The following ADAMTS12 variants were observed in gnomAD, a reference collection of about 807,000 sequenced individuals.
The protein encoded by ADAMTS12 is A disintegrin and metalloproteinase with thrombospondin motifs 12.
A neutral mutation model predicts 167.8 loss-of-function variants in ADAMTS12; 118 were observed. The ratio of observed to expected loss-of-function variants is 0.70; its 90% CI spans 0.61 to 0.82. The LOEUF is 0.82. Ranked by LOEUF, ADAMTS12 falls within the 40% of genes least tolerant of loss-of-function variation. The pLI is 0.00. For missense variants in ADAMTS12, 1,916 were observed against 1,998.8 expected (o/e 0.96, Z 0.79); for synonymous variants, 704 against 716.9 (o/e 0.98, Z 0.29).
At chr5:33,875,167 G>T (rs1024528364) in intron 2 of ADAMTS12, among the ~76,000 whole-genome samples, 5 of 152,312 alleles carry the variant, frequency 3.3e-5, no homozygotes, top group Middle Eastern at 3.4e-3. Flanking sequence ...GTTTCCAGGG[G>T]TAGGAGAGTG....
chr5:33,773,170 T>G (rs1745806824), intron 2 of ADAMTS12, among the ~76,000 whole-genome samples: 1 of 152,208 alleles, frequency 6.6e-6, no homozygotes, highest in East Asian at 1.9e-4. Flanking sequence ...GCTGCTTATC[T>G]TTTTTTGTTC....
In ADAMTS12 at chr5:33,615,810, C is replaced by T; in HGVS notation, c.2388+18G>A. On this transcript the variant is annotated intron_variant, in intron 15 of 23. Transcript: ENST00000504830. ...TAACTAGCACACATGTCAGCAGTTTCCCTCCTTTCTGCATTACCTGGATCC... is the reference window on the plus strand; with the variant it reads ...TAACTAGCACACATGTCAGCAGTTTTCCTCCTTTCTGCATTACCTGGATCC... 1.2e-6 allele frequency: 2 copies of T among 1,613,476 alleles called. No homozygotes were observed. The highest frequency in any genetic ancestry group is 8.5e-7 in the Non-Finnish European group (1 of 1,179,732).
chr5:33,797,177 C>T (rs1055691636), intron 2 of ADAMTS12, among the ~76,000 whole-genome samples: 6 of 152,224 alleles, frequency 3.9e-5, no homozygotes, highest in Non-Finnish European at 7.3e-5. Flanking sequence ...TAGCCTCCCA[C>T]AGCCCCATGC....
At chr5:33,693,380 T>C (rs910827262) in intron 3 of ADAMTS12, among the ~76,000 whole-genome samples, 10 of 152,210 alleles carry the variant, frequency 6.6e-5, no homozygotes, top group Non-Finnish European at 1.0e-4. Flanking sequence ...GAGATAATAT[T>C]TATATATGGT....
At chr5:33,616,156 C>A in intron 14 of ADAMTS12, 84 bp from the exon 15 acceptor site, 1 of 1,526,552 alleles carries the variant, frequency 6.6e-7, no homozygotes. Context: ...TGTTAATCCT[C>A]TTTCCAGCCT....
At chr5:33,585,049 CCA>C (rs2111995391) in intron 18 of ADAMTS12, among the ~76,000 whole-genome samples, 1 of 131,590 alleles carries the variant, frequency 7.6e-6, no homozygotes, top group Non-Finnish European at 1.8e-5. Flanking sequence ...ATCCATCCAT[CCA>C]TCCATCCATC....
chr5:33,756,299 G>C (rs1745164421), intron 2 of ADAMTS12, among the ~76,000 whole-genome samples: 1 of 152,194 alleles, frequency 6.6e-6, no homozygotes, highest in Admixed American at 6.6e-5. Flanking sequence ...GCCCTCACTG[G>C]AGCGGCACTT....
chr5:33,804,532 G>T (rs898688489), intron 2 of ADAMTS12, among the ~76,000 whole-genome samples: 5 of 152,194 alleles, frequency 3.3e-5, no homozygotes, highest in Non-Finnish European at 7.3e-5. Flanking sequence ...ATAAATGATG[G>T]CTGTTTAAAG....
chr5:33,833,602 A>G (rs35706473), intron 2 of ADAMTS12, among the ~76,000 whole-genome samples: 21,766 of 152,056 alleles, frequency 0.14, 2,820 homozygotes, highest in East Asian at 0.38. Flanking sequence ...TCTGTTAGAA[A>G]TTAAGTACCT....
At chr5:33,682,027 G>A (rs1366345730) in intron 5 of ADAMTS12, among the ~76,000 whole-genome samples, 1 of 152,160 alleles carries the variant, frequency 6.6e-6, no homozygotes, top group Non-Finnish European at 1.5e-5. Context: ...CATCCATGGA[G>A]AATGAATTCT....
chr5:33,563,371 CAGTG>C (rs1176335344), intron 19 of ADAMTS12, among the ~76,000 whole-genome samples: 1 of 152,204 alleles, frequency 6.6e-6, no homozygotes, highest in Admixed American at 6.5e-5. Flanking sequence ...CAACAGAATG[CAGTG>C]GATGATGCTG....
chr5:33,754,817 T>C (rs10941086), intron 2 of ADAMTS12, among the ~76,000 whole-genome samples: 18,240 of 151,986 alleles, frequency 0.12, 1,319 homozygotes, highest in Non-Finnish European at 0.15. Context: ...GATTGCGCCA[T>C]TGCACTCCAG....
intron 7 of ADAMTS12, among the ~76,000 whole-genome samples, chr5:33,651,028 C>T (rs1455230343): frequency 1.3e-5 from 2 of 152,118 alleles, no homozygotes; most frequent in African/African-American, 2.4e-5. Context: ...TATCAATGTA[C>T]TTAACAAACT....
chr5:33,614,507 A>C (rs1190110705), intron 15 of ADAMTS12, 131 bp from the exon 16 acceptor site: 2 of 1,063,750 alleles, frequency 1.9e-6, no homozygotes, highest in Non-Finnish European at 2.7e-6. Context: ...AAGCCATTAA[A>C]TAGATCTATA....
intron 2 of ADAMTS12, among the ~76,000 whole-genome samples, chr5:33,783,907 C>A (rs993865642): frequency 2.0e-5 from 3 of 151,646 alleles, no homozygotes; most frequent in African/African-American, 7.3e-5. Flanking sequence ...TAAGAAGATA[C>A]CACAAAAAAC....
At chr5:33,529,440 C>A (rs1258036783) in intron 23 of ADAMTS12, among the ~76,000 whole-genome samples, 3 of 151,970 alleles carry the variant, frequency 2.0e-5, no homozygotes, top group Non-Finnish European at 4.4e-5. Flanking sequence ...GCCTTAGGTA[C>A]TTCTTGGAGC....
At position 33,881,353 on chromosome 5, in the gene ADAMTS12, A is replaced by G; in HGVS notation, c.255T>C (p.Asp85=). Residue 85 remains aspartate, a synonymous_variant, in exon 2 of 24, where the codon GAT becomes GAC. Transcript: ENST00000504830. ...TGTAGTACACCCAGTCCTCTGAGCC[A>G]TCCAAATCTCTCTTCCTCCTGCTGC... is the stretch of plus-strand genomic sequence containing the variant. ...ITSSRRKRDL[D]GSEDWVYYRI... 2 of 1,614,212 alleles carry G rather than the reference A, an allele frequency of 1.2e-6. No individual in the cohort carries two copies. Among genetic ancestry groups the G allele is most frequent in the South Asian group, 2.2e-5 (2 of 91,088 alleles).
intron 2 of ADAMTS12, among the ~76,000 whole-genome samples, chr5:33,845,404 G>C (rs1294538231): frequency 1.3e-4 from 20 of 152,232 alleles, no homozygotes; most frequent in Admixed American, 1.3e-3. Flanking sequence ...ACAGAAGCCA[G>C]ATTGAAGGGG....
rs1374196302 is a variant in ADAMTS12 at position 33,710,628 on chromosome 5, A to G, written c.635-26573T>C. Among the ~76,000 whole-genome samples, 4 of 152,316 alleles carry G rather than the reference A, an allele frequency of 2.6e-5. No homozygotes were observed. In the East Asian group the frequency reaches 7.7e-4, roughly 29 times the overall value. ...TTGATGGTGAAGACCTACGACAAAC[A>G]AGTAAGACAATCACACTTCTCAAAA... On this transcript the variant is annotated intron_variant, in intron 3 of 23. Coordinates refer to ENST00000504830, the MANE Select transcript of ADAMTS12 (RefSeq NM_030955.4).
Sources: gnomAD v4.1 joint callset for allele counts (sites outside exome capture counted in the v4.1 genomes callset) on GRCh38, gnomAD v4.1.1 for gene constraint, MANE v1.5 for transcripts, NCBI Gene and HGNC (gene_info 2026-07-23, HGNC 2026-07-21) for gene names.